Variants in TBL1X observed in about 807,000 individuals in gnomAD.
TBL1X encodes transducin beta like 1 X-linked.
TBL1X carries 10 observed loss-of-function variants against 50.7 expected under a neutral mutation model. The ratio of observed to expected loss-of-function variants is 0.20; its 90% confidence interval spans 0.12 to 0.33. TBL1X has a LOEUF of 0.33. Ranked by LOEUF, TBL1X falls within the 10% of genes least tolerant of loss-of-function variation. The probability of loss-of-function intolerance (pLI) is 1.00; values close to 1 mark genes in which losing one functional copy is unlikely to be tolerated. For synonymous variants in TBL1X, 190 were observed against 214.7 expected (o/e 0.88, Z 1.01); for missense variants, 340 against 504.4 (o/e 0.67, Z 3.12).
chrX:9,464,976 A>T (rs1366747940), upstream of TBL1X: 2 of 106,136 alleles, frequency 1.9e-5, no homozygotes, highest in Non-Finnish European at 3.9e-5. Context: ...GCCGGGTGGT[A>T]CGCCGGGTCC....
rs1345482059 is a variant in TBL1X, at chrX:9,717,306, A to G, written c.*1060A>G. 3.6e-5 allele frequency: 4 copies of G among 112,431 alleles called. No homozygotes were observed. Among genetic ancestry groups the G allele is most frequent in the African/African-American group, 9.7e-5 (3 of 30,949 alleles). 9.3% of individuals were successfully genotyped at this position (112,431 alleles called of 1,213,427 possible). A position where few individuals can be genotyped will look rare whatever the true frequency, so the allele number is the denominator to read the frequency against. ...ATTTTAAAATCTTAAAATGGCCATC[A>G]GACATAGAGAGCTTTGTGTGATTCA... On this transcript the variant is annotated 3_prime_UTR_variant, in exon 18 of 18. Coordinates refer to ENST00000645353, the MANE Select transcript of TBL1X (RefSeq NM_005647.4).
At chrX:9,559,576 TAGAAAA>T (rs1489016830) in intron 2 of TBL1X, among the ~76,000 whole-genome samples, 7 of 112,162 alleles carry the variant, frequency 6.2e-5, no homozygotes, top group Non-Finnish European at 1.3e-4. Flanking sequence ...AATATCAATT[TAGAAAA>T]AGAAAGATTC....
chrX:9,713,827 T>A (rs185949301), intron 16 of TBL1X, among the ~76,000 whole-genome samples: 291 of 110,518 alleles, frequency 2.6e-3, no homozygotes, highest in African/African-American at 9.2e-3. Flanking sequence ...GACACACACC[T>A]TTCTCAGTTC....
chrX:9,513,009 C>T (rs73631488), intron 2 of TBL1X, among the ~76,000 whole-genome samples: 4,546 of 110,494 alleles, frequency 0.041, 97 homozygotes, highest in South Asian at 0.11. Flanking sequence ...GGACCTTATG[C>T]GGCTCCTTTG....
At chrX:9,567,327 A>G (rs1241376472) in intron 2 of TBL1X, among the ~76,000 whole-genome samples, 1 of 111,160 alleles carries the variant, frequency 9.0e-6, no homozygotes, top group Non-Finnish European at 1.9e-5. Flanking sequence ...CTTATCTTGC[A>G]GCTCTTGCTA....
chrX:9,491,325 TATATATATATA>T lies in TBL1X; in HGVS notation c.-200-10454_-200-10444del, dbSNP rs1569205480. The stretch of plus-strand genomic sequence containing the variant: ...GTATATTTATATATATATATATATA[TATATATATATA>T]TATTTTTTTTTTTTTTTTCTTTGAG... On this transcript the variant is annotated intron_variant, in intron 1 of 17. Coordinates refer to ENST00000645353, the MANE Select transcript of TBL1X (RefSeq NM_005647.4). 7.2e-4 allele frequency among the ~76,000 whole-genome samples: 23 copies of T among 31,848 alleles called. No individual in the cohort carries two copies. In the East Asian group the frequency reaches 9.0e-3, roughly 12 times the overall value. The allele number at this position is 31,848 out of a possible 115,157, so 27.7% of individuals were successfully genotyped here.
chrX:9,566,267 A>G (rs1343502783), intron 2 of TBL1X, among the ~76,000 whole-genome samples: 1 of 111,984 alleles, frequency 8.9e-6, no homozygotes, highest in Admixed American at 9.5e-5. Flanking sequence ...GTCCTGACAA[A>G]TAACAGTATC....
In TBL1X at chrX:9,534,746, A is replaced by T. The variant is rs750778335; in HGVS notation, c.-131+32897A>T. 2.7e-5 allele frequency among the ~76,000 whole-genome samples: 3 copies of T among 111,077 alleles called. No homozygotes were observed. The East Asian group carries it at 8.5e-4, about 32-fold the overall frequency. The stretch of plus-strand genomic sequence containing the variant: ...TTACAGCATTTTACAAATTCTGGTT[A>T]AAAAAAGTCCCACATGAGATCTCCC... On this transcript the variant is annotated intron_variant, in intron 2 of 17. Coordinates refer to ENST00000645353, the MANE Select transcript of TBL1X (RefSeq NM_005647.4).
At chrX:9,660,696 C>T (rs1260223540) in intron 5 of TBL1X, among the ~76,000 whole-genome samples, 1 of 112,386 alleles carries the variant, frequency 8.9e-6, no homozygotes, top group Admixed American at 9.4e-5. Flanking sequence ...TGAGCATCTA[C>T]ACTCTGGGCA....
intron 11 of TBL1X, among the ~76,000 whole-genome samples, chrX:9,694,321 C>T (rs2083117776): frequency 9.0e-6 from 1 of 111,044 alleles, no homozygotes; most frequent in Non-Finnish European, 1.9e-5. Context: ...GGAGGATGCT[C>T]GGGCCTCCAC....
At chrX:9,581,578 G>A (rs867581634) in intron 2 of TBL1X, among the ~76,000 whole-genome samples, 12 of 111,798 alleles carry the variant, frequency 1.1e-4, no homozygotes, top group Non-Finnish European at 2.3e-4. Context: ...GTGGAGCCCT[G>A]GGATGCTGCT....
chrX:9,598,934 G>GT (rs1216845908), intron 2 of TBL1X, among the ~76,000 whole-genome samples: 1 of 107,468 alleles, frequency 9.3e-6, no homozygotes, highest in Non-Finnish European at 1.9e-5. Flanking sequence ...GTTTTGTTTT[G>GT]TTTTGTTTTG....
intron 1 of TBL1X, among the ~76,000 whole-genome samples, chrX:9,496,823 T>C (rs190693187): frequency 3.5e-4 from 39 of 111,630 alleles, no homozygotes; most frequent in Non-Finnish European, 1.3e-4. Flanking sequence ...GATTGTTGGG[T>C]TTATGAGAGG....
At chrX:9,510,514 C>T (rs2082050030) in intron 2 of TBL1X, among the ~76,000 whole-genome samples, 1 of 105,478 alleles carries the variant, frequency 9.5e-6, no homozygotes, top group African/African-American at 3.4e-5. Flanking sequence ...AGACTGTGGC[C>T]CACGGGGCCG....
chrX:9,610,818 T>G (rs2082609719), intron 2 of TBL1X, among the ~76,000 whole-genome samples: 1 of 112,544 alleles, frequency 8.9e-6, no homozygotes, highest in African/African-American at 3.2e-5. Context: ...GATAGATTGC[T>G]AAAAACAAAT....
intron 12 of TBL1X, among the ~76,000 whole-genome samples, chrX:9,700,227 G>T (rs2083160753): frequency 8.9e-6 from 1 of 112,466 alleles, no homozygotes; most frequent in Non-Finnish European, 1.9e-5. Context: ...CAGGTTCACA[G>T]CCCTAGACAC....
At chrX:9,580,153 C>T (rs2015165) in intron 2 of TBL1X, among the ~76,000 whole-genome samples, 46,713 of 110,299 alleles carry the variant, frequency 0.42, 8,247 homozygotes, top group Admixed American at 0.56. Context: ...GAGAACACAG[C>T]TTGGTTTTAT....
At chrX:9,624,208 A>G (rs893565520) in intron 2 of TBL1X, among the ~76,000 whole-genome samples, 7 of 112,572 alleles carry the variant, frequency 6.2e-5, no homozygotes, top group Non-Finnish European at 1.1e-4. Context: ...AAAGTCATGT[A>G]AATGTCATAA....
At chrX:9,491,431 C>G (rs2081944636) in intron 1 of TBL1X, among the ~76,000 whole-genome samples, 1 of 101,661 alleles carries the variant, frequency 9.8e-6, no homozygotes, top group Admixed American at 1.1e-4. Flanking sequence ...GCCTCGACCT[C>G]CCAGGCTCAA....
Sources: gnomAD v4.1 joint callset for allele counts (sites outside exome capture counted in the v4.1 genomes callset) on GRCh38, gnomAD v4.1.1 for gene constraint, MANE v1.5 for transcripts, NCBI Gene and HGNC (gene_info 2026-07-23, HGNC 2026-07-21) for gene names.